Variants in CCDC102B observed in about 807,000 individuals in gnomAD.
CCDC102B encodes coiled-coil domain containing 102B.
In CCDC102B, 75 loss-of-function variants were observed where a neutral mutation model predicts 57.4. That is an observed-to-expected ratio of 1.31 (90% CI 1.08 to 1.58). The LOEUF is 1.58. Among genes scored for constraint, CCDC102B ranks in the 40% most tolerant of loss-of-function variants. CCDC102B has a pLI of 0.00. For synonymous variants in CCDC102B, 206 were observed against 201.9 expected (o/e 1.02, Z -0.17); for missense variants, 636 against 582.6 (o/e 1.09, Z -0.94).
At chr18:68,724,879 A>G (rs2032520015) in intron 2 of CCDC102B, among the ~76,000 whole-genome samples, 1 of 152,058 alleles carries the variant, frequency 6.6e-6, no homozygotes, top group Non-Finnish European at 1.5e-5. Flanking sequence ...ACTCCACTCT[A>G]TTGGTACCAG....
At chr18:68,787,209 G>A (rs1268251529) in intron 2 of CCDC102B, among the ~76,000 whole-genome samples, 12 of 150,638 alleles carry the variant, frequency 8.0e-5, no homozygotes, top group Non-Finnish European at 5.9e-5. Context: ...GCTTTTTGAT[G>A]TGCTGCTGGA....
intron 6 of CCDC102B, among the ~76,000 whole-genome samples, chr18:68,917,296 A>C (rs758160367): frequency 6.6e-6 from 1 of 152,266 alleles, no homozygotes; most frequent in Admixed American, 6.5e-5. Context: ...TGACAGAGCC[A>C]CAGTACCCTG....
chr18:68,845,732 G>C (rs774391923), intron 3 of CCDC102B, among the ~76,000 whole-genome samples: 1 of 151,786 alleles, frequency 6.6e-6, no homozygotes, highest in Non-Finnish European at 1.5e-5. Flanking sequence ...TCCTAGTTCT[G>C]TTGCTAGTTC....
intron 6 of CCDC102B, among the ~76,000 whole-genome samples, chr18:68,947,201 G>A (rs2049564805): frequency 6.6e-6 from 1 of 151,226 alleles, no homozygotes; most frequent in African/African-American, 2.4e-5. Flanking sequence ...GAGATAGAGG[G>A]GCATCAGTGG....
intron 2 of CCDC102B, among the ~76,000 whole-genome samples, chr18:68,786,907 G>C (rs2035233461): frequency 6.6e-6 from 1 of 152,164 alleles, no homozygotes. Context: ...TCTTGTGCCA[G>C]TTTTCAAAGG....
At chr18:68,957,582 G>T (rs1362512332) in intron 6 of CCDC102B, among the ~76,000 whole-genome samples, 3 of 118,934 alleles carry the variant, frequency 2.5e-5, no homozygotes, top group African/African-American at 6.4e-5. Context: ...TTCTCTGAAT[G>T]GCTTTGTCTG....
chr18:68,906,626 A>G (rs1752289407), intron 6 of CCDC102B, among the ~76,000 whole-genome samples: 1 of 152,102 alleles, frequency 6.6e-6, no homozygotes. Context: ...GTTATTGGCC[A>G]TTTGTATATC....
At chr18:68,842,718 C>T (rs1306411363) in intron 3 of CCDC102B, among the ~76,000 whole-genome samples, 1 of 152,126 alleles carries the variant, frequency 6.6e-6, no homozygotes. Flanking sequence ...TCTTGAGGTC[C>T]CGCTGTGATG....
chr18:68,934,419 GTTTTC>G (rs1276166355), intron 6 of CCDC102B, among the ~76,000 whole-genome samples: 1 of 151,828 alleles, frequency 6.6e-6, no homozygotes, highest in African/African-American at 2.4e-5. Context: ...TAGCATGTGT[GTTTTC>G]TTTAAAGCAG....
chr18:69,017,826 G>A (rs2051711528), intron 7 of CCDC102B, among the ~76,000 whole-genome samples: 1 of 152,098 alleles, frequency 6.6e-6, no homozygotes, highest in Non-Finnish European at 1.5e-5. Context: ...GTAACCACCT[G>A]TCTGCTCGCT....
At chr18:68,733,058 C>T (rs2032956446) in intron 2 of CCDC102B, among the ~76,000 whole-genome samples, 1 of 152,088 alleles carries the variant, frequency 6.6e-6, no homozygotes, top group African/African-American at 2.4e-5. Context: ...AAAAAGTAGA[C>T]TCAGTTAATG....
chr18:68,766,278 C>T (rs1041697189), intron 2 of CCDC102B, among the ~76,000 whole-genome samples: 1 of 152,044 alleles, frequency 6.6e-6, no homozygotes, highest in East Asian at 1.9e-4. Context: ...AGACAAAGTG[C>T]TGTATAAAAA....
intron 6 of CCDC102B, among the ~76,000 whole-genome samples, chr18:68,968,809 G>A (rs1175096358): frequency 6.6e-6 from 1 of 151,988 alleles, no homozygotes; most frequent in Admixed American, 6.6e-5. Flanking sequence ...TTCTCATGAC[G>A]GACAGATTTT....
intron 7 of CCDC102B, among the ~76,000 whole-genome samples, chr18:69,013,928 G>A (rs1395387314): frequency 6.6e-6 from 1 of 152,106 alleles, no homozygotes; most frequent in African/African-American, 2.4e-5. Context: ...TTTGTGGCAA[G>A]GACCAAATCA....
intron 1 of CCDC102B, among the ~76,000 whole-genome samples, chr18:68,825,006 A>C (rs1427001716): frequency 6.6e-6 from 1 of 152,162 alleles, no homozygotes; most frequent in East Asian, 1.9e-4. Flanking sequence ...ATACTCAGGA[A>C]AATTCTCTGT....
intron 1 of CCDC102B, chr18:68,715,377 G>T (rs2031880973): frequency 2.2e-6 from 1 of 459,218 alleles, no homozygotes; most frequent in Non-Finnish European, 3.1e-6. Context: ...CTCTGACGAC[G>T]CACTTGCAGG....
At chr18:69,021,637 C>A (rs574854033) in intron 7 of CCDC102B, among the ~76,000 whole-genome samples, 1 of 152,242 alleles carries the variant, frequency 6.6e-6, no homozygotes, top group Admixed American at 6.5e-5. Context: ...CAGGATACAG[C>A]AGAAACAATT....
At chr18:68,969,508 A>G (rs1292336824) in intron 6 of CCDC102B, among the ~76,000 whole-genome samples, 3 of 149,714 alleles carry the variant, frequency 2.0e-5, no homozygotes, top group African/African-American at 7.4e-5. Flanking sequence ...CTTGTAGGCA[A>G]CCATTCATTC....
intron 6 of CCDC102B, among the ~76,000 whole-genome samples, chr18:68,903,570 G>A (rs2040524465): frequency 6.6e-6 from 1 of 152,058 alleles, no homozygotes; most frequent in African/African-American, 2.4e-5. Flanking sequence ...GATTTGCTTT[G>A]TCCAACATAT....
Sources: allele counts gnomAD v4.1 joint callset (sites outside exome capture counted in the v4.1 genomes callset), GRCh38; gene constraint gnomAD v4.1.1; transcripts MANE v1.5; gene names NCBI Gene and HGNC (gene_info 2026-07-23, HGNC 2026-07-21).